The following PTP4A2 variants were observed in gnomAD, a reference collection of about 807,000 sequenced individuals.
PTP4A2 encodes the protein protein tyrosine phosphatase 4A2, also known as protein tyrosine phosphatase type IVA 2.
Under a neutral mutation model 22.9 loss-of-function variants are expected in PTP4A2, and 2 were observed. The observed-to-expected ratio is 0.09, with a 90% CI of 0.04 to 0.27. The LOEUF is 0.27. Ranked by LOEUF, PTP4A2 falls within the 10% of genes least tolerant of loss-of-function variation. PTP4A2 has a pLI of 1.00. For missense variants in PTP4A2, 103 were observed against 205.1 expected (o/e 0.50, Z 3.04); for synonymous variants, 68 against 69.1 (o/e 0.98, Z 0.08).
intron 1 of PTP4A2, among the ~76,000 whole-genome samples, chr1:31,922,492 T>A (rs1258552673): frequency 1.3e-5 from 2 of 152,014 alleles, no homozygotes; most frequent in African/African-American, 4.8e-5. Context: ...AAAAAAAAAA[T>A]TTAAAACAAA....
intron 5 of PTP4A2, 33 bp from the exon 6 acceptor site, chr1:31,908,993 TA>T: frequency 6.8e-7 from 1 of 1,470,330 alleles, no homozygotes; most frequent in Non-Finnish European, 9.5e-7. Context: ...CTTTATCATG[TA>T]AAAAAAGAGC....
chr1:31,908,888 G>T lies in PTP4A2; in HGVS notation c.468C>A (p.Arg156=), dbSNP rs775406448. The change falls in exon 6 of 6, where the codon CGC becomes CGA. Residue 156 remains arginine, a synonymous_variant. Coordinates refer to ENST00000647444, the MANE Select transcript of PTP4A2 (RefSeq NM_080391.4). ...AGCAATGCCCATTGGTATCTCTGAA[G>T]CGTAATCGCATCTTAGGTCGGTATT... is the stretch of plus-strand genomic sequence containing the variant. ...LEKYRPKMRL[R]FRDTNGHCCV... 9 of 1,613,690 alleles carry T rather than the reference G, an allele frequency of 5.6e-6. No homozygotes were observed. The highest frequency in any genetic ancestry group is 7.6e-6 in the Non-Finnish European group (9 of 1,179,912).
At chr1:31,920,042 C>A (rs751522405) in intron 1 of PTP4A2, among the ~76,000 whole-genome samples, 21 of 145,146 alleles carry the variant, frequency 1.4e-4, no homozygotes, top group Non-Finnish European at 2.7e-4. Flanking sequence ...AGGAGAATCG[C>A]TTGAACCCGG....
rs1477832282 is a variant in PTP4A2, at chr1:31,908,246, T to G, written c.*606A>C. 5 of 121,372 alleles carry G rather than the reference T, an allele frequency of 4.1e-5. No homozygotes were observed. Among genetic ancestry groups the G allele is most frequent in the Non-Finnish European group, 8.7e-5 (5 of 57,592 alleles). 7.5% of individuals were successfully genotyped at this position (121,372 alleles called of 1,614,324 possible). A position where few individuals can be genotyped will look rare whatever the true frequency, so the allele number is the denominator to read the frequency against. Reference sequence around the variant, plus strand: ...TTGGTGTTGTTTTTTGTTTTTTTTTTTTTTTTATCTAAAAGTGCCCAGGTG... The same window carrying G: ...TTGGTGTTGTTTTTTGTTTTTTTTTGTTTTTTATCTAAAAGTGCCCAGGTG... On this transcript the variant is annotated 3_prime_UTR_variant, in exon 6 of 6. Coordinates refer to ENST00000647444, the MANE Select transcript of PTP4A2 (RefSeq NM_080391.4).
rs369642528 is a variant in PTP4A2 at position 31,908,903 on chromosome 1, A to G, written c.453T>C (p.Pro151=). ...TATCTCTGAAGCGTAATCGCATCTTAGGTCGGTATTTCTCCAAATAAAGCA... is the reference window on the plus strand; with the variant it reads ...TATCTCTGAAGCGTAATCGCATCTTGGGTCGGTATTTCTCCAAATAAAGCA... ...KQLLYLEKYR[P]KMRLRFRDTN... is the part of the protein sequence containing the mutation. The change falls in exon 6 of 6, where the codon CCT becomes CCC. Residue 151 remains proline (P), a synonymous_variant. Coordinates refer to ENST00000647444, the MANE Select transcript of PTP4A2 (RefSeq NM_080391.4). 1.1e-4 allele frequency: 184 copies of G among 1,614,104 alleles called. No individual in the cohort carries two copies. In the South Asian group the frequency reaches 1.8e-3, roughly 15 times the overall value.
At chr1:31,919,917 G>A (rs1387246487) in intron 1 of PTP4A2, among the ~76,000 whole-genome samples, 3 of 150,668 alleles carry the variant, frequency 2.0e-5, no homozygotes, top group East Asian at 1.9e-4. Context: ...ACCTGAGGTC[G>A]GGAGTTTGAG....
In PTP4A2 at chr1:31,918,846, C is replaced by T. The variant is rs1048693555; in HGVS notation, c.96+124G>A. 6.7e-6 allele frequency: 4 copies of T among 595,404 alleles called. No homozygotes were observed. The African/African-American group carries it at 7.6e-5, about 11-fold the overall frequency. The allele number at this position is 595,404 out of a possible 1,614,324, so 36.9% of individuals were successfully genotyped here. ...AAAATCTGCTGTAACTAACCCAACCCAATTCAAACCAGGATTGGCAGGATG... is the reference window on the plus strand; with the variant it reads ...AAAATCTGCTGTAACTAACCCAACCTAATTCAAACCAGGATTGGCAGGATG... On this transcript the variant is annotated intron_variant, in intron 2 of 5. Coordinates refer to ENST00000647444, the MANE Select transcript of PTP4A2 (RefSeq NM_080391.4).
chr1:31,935,127 A>G (rs1384506687), intron 1 of PTP4A2, among the ~76,000 whole-genome samples: 1 of 152,202 alleles, frequency 6.6e-6, no homozygotes. Context: ...ACTTTGATAC[A>G]GTGGTAAGTT....
intron 1 of PTP4A2, among the ~76,000 whole-genome samples, chr1:31,926,063 A>T (rs1439311101): frequency 2.0e-5 from 3 of 148,654 alleles, no homozygotes; most frequent in African/African-American, 7.4e-5. Context: ...CAGGAGGCGG[A>T]GGTTGCAGTG....
At chr1:31,908,997 A>C (rs770601686) in intron 5 of PTP4A2, 37 bp from the exon 6 acceptor site, 31 of 1,452,624 alleles carry the variant, frequency 2.1e-5, no homozygotes, top group Non-Finnish European at 3.0e-5. Flanking sequence ...ATCATGTAAA[A>C]AAAGAGCTGT....
At chr1:31,921,006 T>C (rs1652126679) in intron 1 of PTP4A2, among the ~76,000 whole-genome samples, 2 of 152,188 alleles carry the variant, frequency 1.3e-5, no homozygotes, top group African/African-American at 4.8e-5. Context: ...AGTATATGTG[T>C]TGGCCCTCAA....
chr1:31,913,856 G>A (rs1163228035), intron 3 of PTP4A2: 1 of 456,190 alleles, frequency 2.2e-6, no homozygotes, highest in Non-Finnish European at 4.4e-6. Flanking sequence ...GTCAAAACAA[G>A]TTGATTTTTG....
At chr1:31,932,744 T>G (rs1049090524) in intron 1 of PTP4A2, 2 of 152,224 alleles carry the variant, frequency 1.3e-5, no homozygotes, top group African/African-American at 2.4e-5. Flanking sequence ...GCTTCTTTCA[T>G]GGAGGTGCTA....
chr1:31,935,320 C>T (rs1433309524), intron 1 of PTP4A2, among the ~76,000 whole-genome samples: 1 of 152,182 alleles, frequency 6.6e-6, no homozygotes, highest in Non-Finnish European at 1.5e-5. Context: ...ATAATCTCCT[C>T]CCACATAAAA....
chr1:31,928,326 G>C (rs896368465), intron 1 of PTP4A2, among the ~76,000 whole-genome samples: 16 of 150,598 alleles, frequency 1.1e-4, no homozygotes, highest in Non-Finnish European at 2.2e-4. Flanking sequence ...TGATAAAGAG[G>C]TATCAATTCA....
At chr1:31,930,068 G>C (rs1269950596) in intron 1 of PTP4A2, among the ~76,000 whole-genome samples, 1 of 152,210 alleles carries the variant, frequency 6.6e-6, no homozygotes, top group Non-Finnish European at 1.5e-5. Flanking sequence ...GCCGGGCGTG[G>C]TGGCTCACGC....
chr1:31,909,280 A>C (rs1426290363), intron 5 of PTP4A2, among the ~76,000 whole-genome samples: 2 of 152,178 alleles, frequency 1.3e-5, no homozygotes, highest in African/African-American at 4.8e-5. Flanking sequence ...ATTGTCAAAG[A>C]ATTCTGGATA....
chr1:31,912,241 G>A (rs1317256880), intron 3 of PTP4A2, among the ~76,000 whole-genome samples: 2 of 152,232 alleles, frequency 1.3e-5, no homozygotes, highest in Admixed American at 6.5e-5. Flanking sequence ...ACCAACTGGT[G>A]TCTCATTGGT....
chr1:31,927,488 G>A (rs1652520039), intron 1 of PTP4A2, among the ~76,000 whole-genome samples: 1 of 152,042 alleles, frequency 6.6e-6, no homozygotes, highest in South Asian at 2.1e-4. Context: ...TAACAAACCT[G>A]CACATGTACA....
Sources: allele counts gnomAD v4.1 joint callset (sites outside exome capture counted in the v4.1 genomes callset), GRCh38; gene constraint gnomAD v4.1.1; transcripts MANE v1.5; gene names NCBI Gene and HGNC (gene_info 2026-07-23, HGNC 2026-07-21).